AGBL1: variants seen among roughly 807,000 people sequenced by gnomAD.
AGBL1 encodes AGBL carboxypeptidase 1.
In AGBL1, 130 loss-of-function variants were observed where a neutral mutation model predicts 118.9. That is an observed-to-expected ratio of 1.09 (90% CI 0.95 to 1.26). The LOEUF is 1.26. Among genes scored for constraint, AGBL1 ranks in the 50% most tolerant of loss-of-function variants. AGBL1 has a pLI of 0.00. For missense variants in AGBL1, 1,584 were observed against 1,298.1 expected (o/e 1.22, Z -3.38); for synonymous variants, 555 against 478.9 (o/e 1.16, Z -2.08).
chr15:86,863,862 T>G (rs2079591404), intron 22 of AGBL1, among the ~76,000 whole-genome samples: 1 of 152,208 alleles, frequency 6.6e-6, no homozygotes, highest in Non-Finnish European at 1.5e-5. Context: ...TTGTCCTTAG[T>G]CTTAAAATGG....
At chr15:86,852,488 C>A (rs1307295826) in intron 22 of AGBL1, among the ~76,000 whole-genome samples, 4 of 152,172 alleles carry the variant, frequency 2.6e-5, no homozygotes, top group Admixed American at 1.3e-4. Flanking sequence ...CCCCTGCTAT[C>A]TGGAAACTCT....
chr15:86,332,810 C>G (rs916410470), intron 17 of AGBL1, among the ~76,000 whole-genome samples: 1 of 152,044 alleles, frequency 6.6e-6, no homozygotes, highest in African/African-American at 2.4e-5. Flanking sequence ...AGCCATAAAG[C>G]AAGTCTCAAT....
At chr15:86,658,183 G>C (rs1482562878) in intron 21 of AGBL1, among the ~76,000 whole-genome samples, 7 of 152,018 alleles carry the variant, frequency 4.6e-5, no homozygotes. Flanking sequence ...GCATCCTGTA[G>C]TTTTTGGTCA....
Position 86,406,922 on chromosome 15 carries a change from A to AT in AGBL1, c.2555+9382dup, listed in dbSNP as rs1039869287. 3.5e-4 allele frequency among the ~76,000 whole-genome samples: 54 copies of AT among 152,164 alleles called. No homozygotes were observed. The Middle Eastern group carries it at 0.01, about 29-fold the overall frequency. On this transcript the variant is annotated intron_variant, in intron 18 of 22. Coordinates refer to ENST00000614907, the MANE Select transcript of AGBL1 (RefSeq NM_001386094.1). ...GATGAATATTTTGTTTATTCTTAGC[A>AT]TTTTTTCTGGTTATTTTCTTAAGAT...
intron 23 of AGBL1, among the ~76,000 whole-genome samples, chr15:86,969,635 G>T (rs376830492): frequency 1.9e-4 from 29 of 152,138 alleles, no homozygotes; most frequent in African/African-American, 6.7e-4. Flanking sequence ...ATTTTAGTTT[G>T]TGTATTCATG....
intron 22 of AGBL1, among the ~76,000 whole-genome samples, chr15:86,731,606 T>C (rs2077528525): frequency 6.6e-6 from 1 of 152,248 alleles, no homozygotes; most frequent in Non-Finnish European, 1.5e-5. Flanking sequence ...TTCCCACTTC[T>C]GTAATGCTGG....
chr15:86,423,201 A>G (rs1217891340), intron 18 of AGBL1, among the ~76,000 whole-genome samples: 3 of 152,210 alleles, frequency 2.0e-5, no homozygotes, highest in Non-Finnish European at 4.4e-5. Flanking sequence ...AACACTGGCA[A>G]ACTGAATCTA....
At chr15:86,294,831 G>C (rs2079606470) in intron 16 of AGBL1, among the ~76,000 whole-genome samples, 1 of 152,170 alleles carries the variant, frequency 6.6e-6, no homozygotes, top group African/African-American at 2.4e-5. Flanking sequence ...GGTCAAGCCA[G>C]CACTTTTAGG....
intron 17 of AGBL1, among the ~76,000 whole-genome samples, chr15:86,335,301 G>A (rs1039206008): frequency 6.6e-6 from 1 of 152,122 alleles, no homozygotes; most frequent in East Asian, 1.9e-4. Flanking sequence ...ACCACGCCCA[G>A]CTAATTTTTT....
chr15:86,826,300 A>G (rs28494088), intron 22 of AGBL1, among the ~76,000 whole-genome samples: 2,360 of 152,238 alleles, frequency 0.016, 68 homozygotes, highest in African/African-American at 0.054. Flanking sequence ...GATAATCTCA[A>G]TAGAGATTTG....
intron 22 of AGBL1, among the ~76,000 whole-genome samples, chr15:86,736,672 C>T (rs893356209): frequency 3.3e-5 from 5 of 152,194 alleles, no homozygotes; most frequent in African/African-American, 1.2e-4. Flanking sequence ...TACACCGCTT[C>T]ATCCATCATC....
chr15:86,825,892 GATAGATAGATAGATA>G (rs1567193331), intron 22 of AGBL1, among the ~76,000 whole-genome samples: 3 of 6,244 alleles, frequency 4.8e-4, no homozygotes, highest in African/African-American at 6.7e-4. Flanking sequence ...TGGATGGATA[GATAGATAGATAGATA>G]GATAGATAGA....
At chr15:86,158,440 C>T (rs977066946) in intron 4 of AGBL1, among the ~76,000 whole-genome samples, 6 of 152,152 alleles carry the variant, frequency 3.9e-5, no homozygotes, top group African/African-American at 1.2e-4. Context: ...GAAAGACAGA[C>T]GAGAGTGTCT....
At chr15:86,861,758 T>C (rs1567212338) in intron 22 of AGBL1, among the ~76,000 whole-genome samples, 1 of 152,230 alleles carries the variant, frequency 6.6e-6, no homozygotes, top group African/African-American at 2.4e-5. Flanking sequence ...CCCATACTCC[T>C]GAGAAGAGAC....
chr15:86,296,216 A>C (rs1293386432), intron 17 of AGBL1: 1 of 62,982 alleles, frequency 1.6e-5, no homozygotes, highest in Admixed American at 1.4e-4. Context: ...TTAGGTAGGC[A>C]AAAAAAAAAA....
chr15:86,436,348 T>C (rs1015805926), intron 18 of AGBL1, among the ~76,000 whole-genome samples: 1 of 151,858 alleles, frequency 6.6e-6, no homozygotes, highest in Non-Finnish European at 1.5e-5. Context: ...TGAAAATAAA[T>C]AATGAAAGAG....
intron 24 of AGBL1, among the ~76,000 whole-genome samples, chr15:87,015,924 G>GGGAAGTTTACTGTGTCCT (rs1316507947): frequency 2.2e-4 from 33 of 152,106 alleles, no homozygotes; most frequent in Admixed American, 6.6e-4. Context: ...AGTAGAGCGT[G>GGGAAGTTTACTGTGTCCT]GGAAGTTTAC....
chr15:86,592,423 G>T (rs1567074319), intron 21 of AGBL1, among the ~76,000 whole-genome samples: 1 of 152,212 alleles, frequency 6.6e-6, no homozygotes. Context: ...CCAAGCAAGA[G>T]ACTTGAGAGA....
intron 21 of AGBL1, among the ~76,000 whole-genome samples, chr15:86,661,911 C>A (rs563468428): frequency 1.3e-5 from 2 of 152,262 alleles, no homozygotes; most frequent in East Asian, 3.9e-4. Context: ...GCTCTAAGAT[C>A]TAAAGTTTCT....
Sources: allele counts gnomAD v4.1 joint callset (sites outside exome capture counted in the v4.1 genomes callset), GRCh38; gene constraint gnomAD v4.1.1; transcripts MANE v1.5; gene names NCBI Gene and HGNC (gene_info 2026-07-23, HGNC 2026-07-21).